Variants in TPRX2 observed in about 807,000 individuals in gnomAD.
TPRX2 encodes tetrapeptide repeat homeobox protein 2.
the TPRX2 span, chr19:47,860,411 A>G: frequency 1.4e-6 from 1 of 695,114 alleles, no homozygotes; most frequent in East Asian, 2.8e-5. Flanking sequence ...GCCAGTGTAG[A>G]CCCGGGCTGC....
chr19:47,861,098 A>G, the TPRX2 span: 1 of 711,298 alleles, frequency 1.4e-6, no homozygotes, highest in Non-Finnish European at 2.5e-6. Context: ...TCCCGGCTCC[A>G]GGCCCTGGCC....
the TPRX2 span, chr19:47,861,439 C>T: frequency 1.1e-5 from 8 of 725,798 alleles, no homozygotes; most frequent in South Asian, 2.7e-5. Context: ...TCCACCACGA[C>T]GTCTCAGTAC....
At chr19:47,860,731 C>A in the TPRX2 span, 1 of 1,473,626 alleles carries the variant, frequency 6.8e-7, no homozygotes, top group Non-Finnish European at 9.0e-7. Context: ...GCCGGCGCCG[C>A]CCCCGAGCGG....
At chr19:47,859,439 C>T in the TPRX2 span, among the ~76,000 whole-genome samples, 9 of 150,430 alleles carry the variant, frequency 6.0e-5, 1 homozygote, top group African/African-American at 2.2e-4. Flanking sequence ...TGCAGCTGGG[C>T]GCAGAGTCTC....
chr19:47,861,332 G>A, the TPRX2 span: 2 of 475,154 alleles, frequency 4.2e-6, no homozygotes, highest in Non-Finnish European at 8.4e-6. Context: ...TGTGGCCTCA[G>A]AGCCCCTATG....
chr19:47,860,105 AC>A, the TPRX2 span: 1 of 1,187,642 alleles, frequency 8.4e-7, no homozygotes, highest in Non-Finnish European at 1.2e-6. Flanking sequence ...TTTCCCTCCC[AC>A]CCCCAGGCCC....
At chr19:47,859,434 C>T in the TPRX2 span, among the ~76,000 whole-genome samples, 2 of 151,146 alleles carry the variant, frequency 1.3e-5, no homozygotes, top group South Asian at 2.1e-4. Context: ...AATCATGCAG[C>T]TGGGCGCAGA....
At chr19:47,861,143 C>A in the TPRX2 span, 2 of 694,384 alleles carry the variant, frequency 2.9e-6, no homozygotes, top group Non-Finnish European at 5.3e-6. Context: ...CAGCCCAGAT[C>A]CCAGGCCCAG....
chr19:47,861,614 C>T, the TPRX2 span: 1 of 655,358 alleles, frequency 1.5e-6, no homozygotes, highest in Non-Finnish European at 2.3e-6. Flanking sequence ...CTTTACCCAC[C>T]CTGCTGCAGG....
chr19:47,859,892 AC>A, the TPRX2 span, among the ~76,000 whole-genome samples: 25 of 150,048 alleles, frequency 1.7e-4, 1 homozygote, highest in Non-Finnish European at 3.0e-4. Flanking sequence ...TGAGGCGCCT[AC>A]GCTGCCTGCC....
the TPRX2 span, chr19:47,860,958 G>C: frequency 7.0e-7 from 1 of 1,433,728 alleles, no homozygotes; most frequent in South Asian, 1.2e-5. Context: ...GTTCCCGCAG[G>C]GCAGGGGTTC....
At chr19:47,860,798 C>T in the TPRX2 span, 4 of 1,542,228 alleles carry the variant, frequency 2.6e-6, no homozygotes, top group Non-Finnish European at 3.5e-6. Flanking sequence ...CCTCTGCCCC[C>T]CAGGTGTGGT....
chr19:47,861,428 C>A, the TPRX2 span: 1 of 666,492 alleles, frequency 1.5e-6, no homozygotes, highest in East Asian at 5.8e-5. Flanking sequence ...AATCCTCACT[C>A]TCCACCACGA....
chr19:47,861,175 T>TAGGCCCAATGTC, the TPRX2 span: 1 of 667,404 alleles, frequency 1.5e-6, no homozygotes, highest in Non-Finnish European at 2.8e-6. Context: ...GCCCCGAATT[T>TAGGCCCAATGTC]AGGCCCAATG....
the TPRX2 span, chr19:47,860,694 G>A: frequency 3.1e-6 from 4 of 1,307,694 alleles, no homozygotes; most frequent in African/African-American, 3.0e-5. Context: ...GGTGCGGGGT[G>A]GGGGTGAACA....
At chr19:47,859,849 A>G in the TPRX2 span, among the ~76,000 whole-genome samples, 1 of 151,016 alleles carries the variant, frequency 6.6e-6, no homozygotes, top group Non-Finnish European at 1.5e-5. Context: ...GGGAGGGCTG[A>G]GCAGGCCTGA....
chr19:47,861,045 T>C, the TPRX2 span: 7 of 831,864 alleles, frequency 8.4e-6, no homozygotes, highest in Non-Finnish European at 1.2e-5. Context: ...CCCCCGGACC[T>C]GGGGTGGCCC....
chr19:47,860,732 C>T, the TPRX2 span: 2 of 1,473,844 alleles, frequency 1.4e-6, no homozygotes, highest in Non-Finnish European at 1.8e-6. Flanking sequence ...CCGGCGCCGC[C>T]CCCGAGCGGC....
chr19:47,859,903 C>T, the TPRX2 span, among the ~76,000 whole-genome samples: 1 of 149,982 alleles, frequency 6.7e-6, no homozygotes, highest in African/African-American at 2.4e-5. Context: ...CGCTGCCTGC[C>T]TTCCCAGGAG....
Sources: gnomAD v4.1 joint callset for allele counts (sites outside exome capture counted in the v4.1 genomes callset) on GRCh38, gnomAD v4.1.1 for gene constraint, MANE v1.5 for transcripts, NCBI Gene and HGNC (gene_info 2026-07-23, HGNC 2026-07-21) for gene names.